Variants in STK39 observed in about 807,000 individuals in gnomAD.
The protein encoded by STK39 is serine/threonine kinase 39.
Under a neutral mutation model 77.8 loss-of-function variants are expected in STK39, and 20 were observed. The ratio of observed to expected loss-of-function variants is 0.26; its 90% confidence interval spans 0.18 to 0.37. The LOEUF is 0.37. STK39 is among the 10% of genes least tolerant of loss of function. STK39 has a pLI of 1.00. For synonymous variants in STK39, 246 were observed against 234.1 expected, an observed-to-expected ratio of 1.05 and a Z score of -0.47; for missense variants, 479 against 656.5, an observed-to-expected ratio of 0.73 and a Z score of 2.95.
At chr2:168,051,079 C>A (rs1685383554) in intron 14 of STK39, among the ~76,000 whole-genome samples, 1 of 152,210 alleles carries the variant, frequency 6.6e-6, no homozygotes, top group Non-Finnish European at 1.5e-5. Context: ...AATCTTACCA[C>A]TCATTATCTT....
chr2:168,119,429 C>T (rs1183227947), intron 10 of STK39, among the ~76,000 whole-genome samples: 3 of 152,030 alleles, frequency 2.0e-5, no homozygotes, highest in East Asian at 1.9e-4. Flanking sequence ...GTTTCTGACA[C>T]GAATTATGTA....
chr2:168,136,184 G>T (rs963501637), intron 8 of STK39, among the ~76,000 whole-genome samples: 2 of 151,718 alleles, frequency 1.3e-5, no homozygotes, highest in Non-Finnish European at 2.9e-5. Context: ...TTGGCCAACA[G>T]AGTGAAACCC....
At chr2:168,185,643 G>A (rs1028156808) in intron 1 of STK39, among the ~76,000 whole-genome samples, 1 of 152,036 alleles carries the variant, frequency 6.6e-6, no homozygotes, top group African/African-American at 2.4e-5. Context: ...ATTTCACTAA[G>A]GTCTATGTGA....
At chr2:167,982,779 T>G (rs11694569) in intron 16 of STK39, among the ~76,000 whole-genome samples, 2 of 152,194 alleles carry the variant, frequency 1.3e-5, no homozygotes, top group African/African-American at 4.8e-5. Context: ...AGCTGCTATT[T>G]TCCCCCCACA....
At chr2:168,099,889 C>G (rs997202312) in intron 10 of STK39, among the ~76,000 whole-genome samples, 4 of 152,188 alleles carry the variant, frequency 2.6e-5, no homozygotes, top group Non-Finnish European at 2.9e-5. Context: ...AAAGTTATGC[C>G]AGGCTTGCTA....
At chr2:168,124,423 C>T (rs1293814625) in intron 10 of STK39, among the ~76,000 whole-genome samples, 3 of 151,978 alleles carry the variant, frequency 2.0e-5, no homozygotes, top group African/African-American at 7.2e-5. Flanking sequence ...TTTTTTGAGG[C>T]GGAGTCTCGA....
chr2:168,210,030 A>AAAGGAAGGAAGGAAGGAAGGAAGGAAGG (rs764085860), intron 1 of STK39, among the ~76,000 whole-genome samples: 6 of 110,100 alleles, frequency 5.4e-5, no homozygotes, highest in African/African-American at 1.2e-4. Flanking sequence ...GAAAGGAAAG[A>AAAGGAAGGAAGGAAGGAAGGAAGGAAGG]AAGGAAGGAA....
chr2:168,232,885 C>G (rs574232467), intron 1 of STK39, among the ~76,000 whole-genome samples: 44 of 151,044 alleles, frequency 2.9e-4, no homozygotes, highest in African/African-American at 1.0e-3. Context: ...GCACTCCAGC[C>G]TGGGCGACAG....
chr2:168,073,754 G>A (rs57244767), intron 12 of STK39, among the ~76,000 whole-genome samples: 4,626 of 152,000 alleles, frequency 0.03, 244 homozygotes, highest in African/African-American at 0.11. Context: ...TCAGCCTCCC[G>A]AGTACAGATG....
chr2:168,216,718 T>C (rs540488809), intron 1 of STK39, among the ~76,000 whole-genome samples: 1 of 152,340 alleles, frequency 6.6e-6, no homozygotes, highest in East Asian at 1.9e-4. Context: ...ATTATTCGTG[T>C]GCTTTCAACT....
chr2:168,203,115 C>G (rs966520018), intron 1 of STK39, among the ~76,000 whole-genome samples: 3 of 152,092 alleles, frequency 2.0e-5, no homozygotes, highest in African/African-American at 7.2e-5. Context: ...GTAGCATTTC[C>G]CCACATCTCC....
At chr2:168,008,807 A>T (rs1487555470) in intron 16 of STK39, among the ~76,000 whole-genome samples, 3 of 152,148 alleles carry the variant, frequency 2.0e-5, no homozygotes, top group African/African-American at 7.2e-5. Flanking sequence ...GAGACTTAAA[A>T]CCAAGTGAAA....
At position 168,063,493 on chromosome 2, in the gene STK39, T is replaced by C; in HGVS notation, c.1376+7A>G. The C allele has an allele frequency of 6.2e-7, 1 of 1,610,398 alleles. No individual in the cohort carries two copies. Among genetic ancestry groups the C allele is most frequent in the Non-Finnish European group, 8.5e-7 (1 of 1,178,138 alleles). ...AACAATGCAGAATAAACAACAGTAT[T>C]ATTTACCTTAATCTCAAAACGAGGT... On this transcript the variant is annotated splice_region_variant and intron_variant, in intron 14 of 17. Coordinates refer to ENST00000355999, the MANE Select transcript of STK39 (RefSeq NM_013233.3).
At chr2:167,987,591 C>T (rs1683593512) in intron 16 of STK39, among the ~76,000 whole-genome samples, 1 of 152,100 alleles carries the variant, frequency 6.6e-6, no homozygotes, top group Non-Finnish European at 1.5e-5. Flanking sequence ...AAATTCTAAT[C>T]AGATCCTAGG....
chr2:168,142,666 T>C (rs1183855187), intron 5 of STK39, among the ~76,000 whole-genome samples: 1 of 152,174 alleles, frequency 6.6e-6, no homozygotes, highest in Non-Finnish European at 1.5e-5. Flanking sequence ...ACAATACCCT[T>C]TCAATATATC....
chr2:168,034,744 C>G (rs796957521), intron 14 of STK39, among the ~76,000 whole-genome samples: 7 of 152,316 alleles, frequency 4.6e-5, no homozygotes, highest in African/African-American at 1.7e-4. Context: ...CAGCACAGAG[C>G]ATTATGAAGA....
chr2:168,100,340 T>A (rs926655646), intron 10 of STK39, among the ~76,000 whole-genome samples: 1 of 152,182 alleles, frequency 6.6e-6, no homozygotes. Context: ...CTGCAGGGGA[T>A]CTGGGTTCTA....
At chr2:168,231,505 T>C (rs191480254) in intron 1 of STK39, among the ~76,000 whole-genome samples, 7 of 151,978 alleles carry the variant, frequency 4.6e-5, no homozygotes, top group Admixed American at 3.9e-4. Flanking sequence ...CACCGAAGGT[T>C]CCTCAAGGAC....
At chr2:167,975,643 GTC>G (rs1683257849) in intron 16 of STK39, among the ~76,000 whole-genome samples, 2 of 152,106 alleles carry the variant, frequency 1.3e-5, no homozygotes, top group African/African-American at 4.8e-5. Flanking sequence ...GTGAAACCCC[GTC>G]TCTACTAAAA....
Sources: gnomAD v4.1 joint callset for allele counts (sites outside exome capture counted in the v4.1 genomes callset) on GRCh38, gnomAD v4.1.1 for gene constraint, MANE v1.5 for transcripts, NCBI Gene and HGNC (gene_info 2026-07-23, HGNC 2026-07-21) for gene names.